Variants in ERICH6 observed in about 807,000 individuals in gnomAD.
The protein encoded by ERICH6 is glutamate-rich protein 6.
A neutral mutation model predicts 71.0 loss-of-function variants in ERICH6; 71 were observed. That is an observed-to-expected ratio of 1.00 (90% CI 0.83 to 1.22). The LOEUF is 1.22. Among genes scored for constraint, ERICH6 ranks in the 50% most tolerant of loss-of-function variants. The probability of loss-of-function intolerance (pLI) is 0.00; values close to 1 mark genes in which losing one functional copy is unlikely to be tolerated. For missense variants in ERICH6, 808 were observed against 797.2 expected, an observed-to-expected ratio of 1.01 and a Z score of -0.16; for synonymous variants, 262 against 278.4, an observed-to-expected ratio of 0.94 and a Z score of 0.59.
chr3:150,693,899 C>A (rs1249252214), intron 3 of ERICH6, among the ~76,000 whole-genome samples: 2 of 152,002 alleles, frequency 1.3e-5, no homozygotes, highest in Non-Finnish European at 2.9e-5. Context: ...CCCCATTTTC[C>A]CCAATTTGGA....
At chr3:150,669,253 A>G (rs778396475) in intron 12 of ERICH6, 43 bp downstream of exon 12, 8 of 1,548,286 alleles carry the variant, frequency 5.2e-6, no homozygotes, top group Non-Finnish European at 6.9e-6. Context: ...ATTTCCCAGA[A>G]CAAAAGCCAC....
intron 6 of ERICH6, among the ~76,000 whole-genome samples, chr3:150,683,500 C>A (rs890908567): frequency 5.3e-5 from 8 of 152,086 alleles, no homozygotes; most frequent in African/African-American, 1.9e-4. Context: ...CATGGTGGCT[C>A]ACACCTGTAA....
chr3:150,662,899 A>G (rs541525258), intron 13 of ERICH6, among the ~76,000 whole-genome samples: 1 of 152,318 alleles, frequency 6.6e-6, no homozygotes, highest in South Asian at 2.1e-4. Context: ...GCGACAGCAA[A>G]TGCAAAGACT....
At chr3:150,684,788 CTTTCTTTT>C (rs1283901179) in intron 6 of ERICH6, among the ~76,000 whole-genome samples, 4 of 151,862 alleles carry the variant, frequency 2.6e-5, no homozygotes, top group Non-Finnish European at 5.9e-5. Context: ...CTTTTTCTTT[CTTTCTTTT>C]TTTTTTAATA....
intron 13 of ERICH6, among the ~76,000 whole-genome samples, chr3:150,665,220 T>G (rs1014357855): frequency 6.6e-6 from 1 of 152,186 alleles, no homozygotes; most frequent in African/African-American, 2.4e-5. Context: ...ACCCTCGCTC[T>G]ATGTTGCCTG....
intron 10 of ERICH6, among the ~76,000 whole-genome samples, chr3:150,676,841 T>A (rs1366507540): frequency 2.0e-5 from 3 of 151,510 alleles, no homozygotes; most frequent in Non-Finnish European, 4.4e-5. Context: ...TGAGACAGAG[T>A]CCTGCTCTGT....
chr3:150,692,256 G>C (rs1559919700), intron 3 of ERICH6, among the ~76,000 whole-genome samples: 1 of 152,076 alleles, frequency 6.6e-6, no homozygotes, highest in African/African-American at 2.4e-5. Flanking sequence ...GCTTCATGCT[G>C]TATTTATTAG....
rs536472849 is a variant in ERICH6, at chr3:150,681,235, C to T, written c.883-305G>A. ...ACAGCCCCTGGCAACCACTAATTTA[C>T]ATTCTGTCTCTCTAAATTTGCCTGT... On this transcript the variant is annotated intron_variant, in intron 7 of 13. Coordinates refer to ENST00000295910, the MANE Select transcript of ERICH6 (RefSeq NM_152394.5). Among the ~76,000 whole-genome samples the T allele has an allele frequency of 2.6e-5, 4 of 152,324 alleles. No homozygotes were observed. The East Asian group carries it at 7.7e-4, about 29-fold the overall frequency.
chr3:150,665,782 C>T (rs917351847), intron 13 of ERICH6, among the ~76,000 whole-genome samples: 11 of 146,242 alleles, frequency 7.5e-5, no homozygotes, highest in African/African-American at 2.8e-4. Flanking sequence ...GAGCTGAGAT[C>T]GCGCCACTGT....
chr3:150,695,654 G>A (rs1165167667), intron 3 of ERICH6, among the ~76,000 whole-genome samples: 1 of 152,014 alleles, frequency 6.6e-6, no homozygotes, highest in Non-Finnish European at 1.5e-5. Flanking sequence ...GCGACAGAGC[G>A]AGACTTCGTC....
intron 11 of ERICH6, among the ~76,000 whole-genome samples, chr3:150,672,354 T>C (rs1392339984): frequency 6.6e-6 from 1 of 150,460 alleles, no homozygotes; most frequent in Non-Finnish European, 1.5e-5. Flanking sequence ...TCCCAGCACT[T>C]TGGGAGGCCA....
rs557979825 is a variant in ERICH6, at chr3:150,678,526, A to G, written c.1140T>C (p.Tyr380=). The G allele has an allele frequency of 3.0e-5, 48 of 1,601,656 alleles. No homozygotes were observed. In the South Asian group the frequency reaches 4.9e-4, roughly 16 times the overall value. Residue 380 remains tyrosine (Y), a synonymous_variant, in exon 10 of 14, where the codon TAT becomes TAC. Coordinates refer to ENST00000295910, the MANE Select transcript of ERICH6 (RefSeq NM_152394.5). The part of the protein sequence containing the change: ...DDSKRLKTIS[Y]QLSVDIPEKQ... ...TTTCTGGAATATCCACAGAAAGTTG[A>G]TAAGAAATTGTTTTTAAGCGCTTTG...
intron 3 of ERICH6, among the ~76,000 whole-genome samples, chr3:150,695,432 A>G (rs1484090797): frequency 6.6e-6 from 1 of 152,036 alleles, no homozygotes; most frequent in Non-Finnish European, 1.5e-5. Context: ...CGGGCAGATC[A>G]TGAGGTCAGG....
chr3:150,684,524 CAAG>C (rs1712098785), intron 6 of ERICH6, among the ~76,000 whole-genome samples: 1 of 152,046 alleles, frequency 6.6e-6, no homozygotes, highest in African/African-American at 2.4e-5. Flanking sequence ...TTACTATGCC[CAAG>C]AAGAAGTCAT....
chr3:150,663,285 T>C (rs910620024), intron 13 of ERICH6, among the ~76,000 whole-genome samples: 1 of 152,154 alleles, frequency 6.6e-6, no homozygotes, highest in African/African-American at 2.4e-5. Context: ...TGGAGGTATT[T>C]TGGAGGTAGA....
intron 2 of ERICH6, 147 bp from the exon 3 acceptor site, chr3:150,699,029 A>G (rs1054042601): frequency 6.4e-6 from 4 of 628,690 alleles, no homozygotes; most frequent in Non-Finnish European, 1.1e-5. Context: ...TTATCTTTTC[A>G]GTAAAGTTAA....
chr3:150,670,414 G>T (rs371738762), intron 11 of ERICH6, among the ~76,000 whole-genome samples: 1 of 151,002 alleles, frequency 6.6e-6, no homozygotes, highest in Non-Finnish European at 1.5e-5. Flanking sequence ...CCTGGGAGGC[G>T]GAGGTTGCAG....
At chr3:150,667,072 A>G in intron 12 of ERICH6, 57 bp from the exon 13 acceptor site, 1 of 1,497,410 alleles carries the variant, frequency 6.7e-7, no homozygotes, top group Non-Finnish European at 9.2e-7. Flanking sequence ...TAAATACTGG[A>G]ATTATCCCTG....
chr3:150,672,173 T>C (rs1473829827), intron 11 of ERICH6, among the ~76,000 whole-genome samples: 1 of 151,002 alleles, frequency 6.6e-6, no homozygotes, highest in African/African-American at 2.4e-5. Context: ...TTTATATTTA[T>C]TGCATATCAT....
Sources: allele counts gnomAD v4.1 joint callset (sites outside exome capture counted in the v4.1 genomes callset), GRCh38; gene constraint gnomAD v4.1.1; transcripts MANE v1.5; gene names NCBI Gene and HGNC (gene_info 2026-07-23, HGNC 2026-07-21).